Variants in CSPP1 observed in about 807,000 individuals in gnomAD.
The protein encoded by CSPP1 is centrosome and spindle pole associated protein 1.
Under a neutral mutation model 164.4 loss-of-function variants are expected in CSPP1, and 126 were observed. The observed-to-expected ratio is 0.77, with a 90% CI of 0.66 to 0.89. The LOEUF (loss-of-function observed/expected upper bound fraction) is 0.89, where lower values mean the gene tolerates loss of function less well. CSPP1 is among the 40% of genes least tolerant of loss of function. The pLI is 0.00. For missense variants in CSPP1, 1,395 were observed against 1,449.8 expected (o/e 0.96, Z 0.61); for synonymous variants, 472 against 476.7 (o/e 0.99, Z 0.13).
At chr8:67,083,548 A>AAAAAAAAAT (rs1332248754) in intron 3 of CSPP1, 2 of 91,484 alleles carry the variant, frequency 2.2e-5, no homozygotes, top group African/African-American at 4.4e-5. Context: ...AAAAAAAAAA[A>AAAAAAAAAT]ATATATATAT....
At chr8:67,085,711 A>G (rs1810255762) in intron 3 of CSPP1, among the ~76,000 whole-genome samples, 1 of 152,138 alleles carries the variant, frequency 6.6e-6, no homozygotes, top group Admixed American at 6.5e-5. Flanking sequence ...ATATAAAAGT[A>G]TCTGTTTATA....
At chr8:67,175,934 A>C (rs754004172) in intron 26 of CSPP1, among the ~76,000 whole-genome samples, 2 of 152,234 alleles carry the variant, frequency 1.3e-5, no homozygotes, top group Non-Finnish European at 2.9e-5. Flanking sequence ...GGTTACTAGG[A>C]GTGCAGGTAC....
intron 3 of CSPP1, among the ~76,000 whole-genome samples, chr8:67,077,393 T>C (rs1476103086): frequency 6.6e-6 from 1 of 152,094 alleles, no homozygotes; most frequent in East Asian, 1.9e-4. Flanking sequence ...TGGAGTGCAG[T>C]GGCACGATCT....
At chr8:67,191,646 C>T (rs981186345) in intron 29 of CSPP1, among the ~76,000 whole-genome samples, 12 of 152,100 alleles carry the variant, frequency 7.9e-5, no homozygotes, top group African/African-American at 2.7e-4. Context: ...TATTAGTATC[C>T]CACATTTTGT....
chr8:67,119,020 A>G (rs1380968967), intron 15 of CSPP1, among the ~76,000 whole-genome samples, 199 bp downstream of exon 15: 1 of 152,158 alleles, frequency 6.6e-6, no homozygotes, highest in African/African-American at 2.4e-5. Context: ...CCATTAAATA[A>G]TAATGGTGTA....
chr8:67,161,455 AT>A (rs1828330161), intron 21 of CSPP1, among the ~76,000 whole-genome samples: 1 of 152,104 alleles, frequency 6.6e-6, no homozygotes, highest in Non-Finnish European at 1.5e-5. Context: ...GGATTTTGTT[AT>A]TTAATTTTTT....
In CSPP1 at chr8:67,164,484, A is replaced by ACAGTGAT; in HGVS notation, c.2805_2811dup (p.Asp938GlnfsTer2). 1 of 1,576,678 alleles carries ACAGTGAT rather than the reference A, an allele frequency of 6.3e-7. No homozygotes were observed. Among genetic ancestry groups the ACAGTGAT allele is most frequent in the Non-Finnish European group, 8.7e-7 (1 of 1,146,946 alleles). ...CTACAAGAGCGATTGCTACACATGG[A>ACAGTGAT]CAGTGATGATGAAATTCCTATCAGG... On this transcript the variant is annotated frameshift_variant, in exon 24 of 31. Coordinates refer to ENST00000678616, the MANE Select transcript of CSPP1 (RefSeq NM_001382391.1). LOFTEE classifies it high-confidence loss of function.
chr8:67,099,184 A>G (rs943007267), intron 7 of CSPP1: 1 of 151,988 alleles, frequency 6.6e-6, no homozygotes, highest in Non-Finnish European at 1.5e-5. Context: ...TATTCCCTCA[A>G]TCATATCTGA....
At chr8:67,066,608 A>G (rs1227327522) in intron 1 of CSPP1, among the ~76,000 whole-genome samples, 1 of 151,908 alleles carries the variant, frequency 6.6e-6, no homozygotes, top group Non-Finnish European at 1.5e-5. Context: ...TTTCAGATTG[A>G]TTTCTTCGTA....
At chr8:67,185,113 AAAAAC>A (rs1317078882) in intron 28 of CSPP1, among the ~76,000 whole-genome samples, 6 of 150,766 alleles carry the variant, frequency 4.0e-5, no homozygotes, top group East Asian at 1.9e-4. Context: ...TCAAAAAAAA[AAAAAC>A]AAAAACAAAC....
chr8:67,171,297 A>C (rs1459053389), intron 24 of CSPP1, among the ~76,000 whole-genome samples: 1 of 151,380 alleles, frequency 6.6e-6, no homozygotes, highest in East Asian at 2.1e-4. Context: ...GCTACTCAGG[A>C]GGCTGAGGCA....
intron 28 of CSPP1, among the ~76,000 whole-genome samples, chr8:67,183,843 ATTTTTTTTTTT>A (rs918103972): frequency 1.5e-4 from 16 of 108,214 alleles, no homozygotes; most frequent in Admixed American, 6.2e-4. Context: ...AAAATTGGGA[ATTTTTTTTTTT>A]TTTTTTTTTT....
At chr8:67,087,065 C>T (rs1288822829) in intron 4 of CSPP1, among the ~76,000 whole-genome samples, 1 of 151,914 alleles carries the variant, frequency 6.6e-6, no homozygotes, top group African/African-American at 2.4e-5. Context: ...ATAGTCATTA[C>T]TTTTGATTCC....
At chr8:67,088,836 G>T (rs1179807574) in intron 4 of CSPP1, among the ~76,000 whole-genome samples, 1 of 151,144 alleles carries the variant, frequency 6.6e-6, no homozygotes, top group African/African-American at 2.4e-5. Flanking sequence ...GGCGGAGCTT[G>T]CAGTGAGCCG....
intron 6 of CSPP1, among the ~76,000 whole-genome samples, chr8:67,093,982 T>C (rs971933948): frequency 1.3e-5 from 2 of 151,370 alleles, no homozygotes; most frequent in South Asian, 4.2e-4. Flanking sequence ...TAGCCGGACA[T>C]GGTGGCAGGT....
intron 5 of CSPP1, among the ~76,000 whole-genome samples, chr8:67,092,171 T>C (rs1257800343): frequency 1.3e-5 from 2 of 152,212 alleles, no homozygotes; most frequent in Non-Finnish European, 2.9e-5. Flanking sequence ...TCAGCATTGA[T>C]TTCTGACTAT....
chr8:67,180,779 T>C (rs932250765), intron 28 of CSPP1, among the ~76,000 whole-genome samples: 5 of 152,158 alleles, frequency 3.3e-5, no homozygotes, highest in African/African-American at 1.2e-4. Context: ...TTTATAGTTC[T>C]CTTAATATTT....
At chr8:67,133,372 C>A (rs955827648) in intron 16 of CSPP1, among the ~76,000 whole-genome samples, 2 of 152,152 alleles carry the variant, frequency 1.3e-5, no homozygotes, top group Non-Finnish European at 2.9e-5. Flanking sequence ...TAGTTCCAGA[C>A]CACAGCAATA....
Position 67,070,149 on chromosome 8 carries a change from G to A in CSPP1, c.-10-4094G>A, listed in dbSNP as rs960056134. On this transcript the variant is annotated intron_variant, in intron 1 of 30. Coordinates refer to ENST00000678616, the MANE Select transcript of CSPP1 (RefSeq NM_001382391.1). ...GAATTTTTACTAGGAAAAATCTTTC[G>A]TGACTATTAGCAAATTAAAAATGGC... Among the ~76,000 whole-genome samples the A allele has an allele frequency of 7.2e-5, 11 of 151,866 alleles. No homozygotes were observed. In the East Asian group the frequency reaches 1.6e-3, roughly 21 times the overall value.
Sources: gnomAD v4.1 joint callset for allele counts (sites outside exome capture counted in the v4.1 genomes callset) on GRCh38, gnomAD v4.1.1 for gene constraint, MANE v1.5 for transcripts, NCBI Gene and HGNC (gene_info 2026-07-23, HGNC 2026-07-21) for gene names.